SLC7A13: variants seen among roughly 807,000 people sequenced by gnomAD.
SLC7A13 encodes the protein solute carrier family 7 member 13.
A neutral mutation model predicts 32.0 loss-of-function variants in SLC7A13; 31 were observed. The observed-to-expected ratio is 0.97, with a 90% CI of 0.73 to 1.31. The LOEUF (loss-of-function observed/expected upper bound fraction) is 1.31. Among genes scored for constraint, SLC7A13 ranks in the 50% most tolerant of loss-of-function variants. The probability of loss-of-function intolerance (pLI) is 0.00; values close to 1 mark genes in which losing one functional copy is unlikely to be tolerated. For missense variants in SLC7A13, 633 were observed against 546.9 expected (o/e 1.16, Z -1.57); for synonymous variants, 232 against 206.9 (o/e 1.12, Z -1.04).
chr8:86,217,427 ATC>A (rs1433234629), intron 3 of SLC7A13, 41 bp downstream of exon 3: 4 of 1,459,962 alleles, frequency 2.7e-6, no homozygotes, highest in African/African-American at 1.4e-5. Context: ...TATACTCAAT[ATC>A]TGTTATTTCA....
chr8:86,229,182 T>C (rs372881045), intron 1 of SLC7A13, among the ~76,000 whole-genome samples: 29 of 152,216 alleles, frequency 1.9e-4, no homozygotes, highest in African/African-American at 7.0e-4. Context: ...CAAAAGTAAG[T>C]AAATAAAAAT....
rs1820450983 is a variant in SLC7A13 at position 86,229,782 on chromosome 8, G to T, written c.496C>A (p.Leu166Met). The T allele has an allele frequency of 6.2e-7, 1 of 1,614,052 alleles. No individual in the cohort carries two copies. The highest frequency in any genetic ancestry group is 1.7e-5 in the Admixed American group (1 of 59,990). Residue 166 changes from leucine (L) to methionine (M), a missense_variant, in exon 1 of 4, where the codon CTG becomes ATG. Transcript: ENST00000297524. ...VTWLQIASSV[L>M]KVSILSFISL... ...ATGAAGCTAAGTATGGACACTTTCA[G>T]CACTGAGCTAGCTATCTGAAGCCAA...
chr8:86,221,704 A>G (rs75642809), intron 2 of SLC7A13, among the ~76,000 whole-genome samples: 3,738 of 152,224 alleles, frequency 0.025, 172 homozygotes, highest in African/African-American at 0.083. Context: ...CCAAATTAAA[A>G]GTGATGATGG....
Sources: gnomAD v4.1 joint callset for allele counts (sites outside exome capture counted in the v4.1 genomes callset) on GRCh38, gnomAD v4.1.1 for gene constraint, MANE v1.5 for transcripts, NCBI Gene and HGNC (gene_info 2026-07-23, HGNC 2026-07-21) for gene names.